DNAJC1: variants seen among roughly 807,000 people sequenced by gnomAD.
DNAJC1 encodes DnaJ heat shock protein family (Hsp40) member C1.
Under a neutral mutation model 76.6 loss-of-function variants are expected in DNAJC1, and 58 were observed. That is an observed-to-expected ratio of 0.76 (90% CI 0.61 to 0.94). The LOEUF (loss-of-function observed/expected upper bound fraction) is 0.94. Ranked by LOEUF, DNAJC1 falls within the 40% of genes least tolerant of loss-of-function variation. The probability of loss-of-function intolerance (pLI) is 0.00; values close to 1 mark genes in which losing one functional copy is unlikely to be tolerated. For synonymous variants in DNAJC1, 258 were observed against 267.9 expected (o/e 0.96, Z 0.36); for missense variants, 689 against 677.3 (o/e 1.02, Z -0.19).
intron 9 of DNAJC1, among the ~76,000 whole-genome samples, chr10:21,773,645 T>C (rs181945901): frequency 2.0e-4 from 31 of 152,314 alleles, no homozygotes; most frequent in African/African-American, 3.6e-4. Flanking sequence ...AAGGGAGGTA[T>C]TGAAATTTCC....
At chr10:21,873,193 G>A (rs1836131423) in intron 8 of DNAJC1, among the ~76,000 whole-genome samples, 1 of 152,082 alleles carries the variant, frequency 6.6e-6, no homozygotes, top group Non-Finnish European at 1.5e-5. Context: ...TACTCCCTTG[G>A]GGAGCTCGGA....
chr10:21,926,839 G>A (rs1236388843), intron 3 of DNAJC1, among the ~76,000 whole-genome samples: 1 of 152,162 alleles, frequency 6.6e-6, no homozygotes, highest in Non-Finnish European at 1.5e-5. Context: ...ATCCTGAAGA[G>A]ATGATGTTAT....
At chr10:21,879,329 A>T (rs997069830) in intron 8 of DNAJC1, among the ~76,000 whole-genome samples, 4 of 152,190 alleles carry the variant, frequency 2.6e-5, no homozygotes, top group Admixed American at 6.5e-5. Context: ...AGTACATATA[A>T]AAGTTGTTTA....
At chr10:21,777,601 T>C (rs937293711) in intron 9 of DNAJC1, among the ~76,000 whole-genome samples, 6 of 152,208 alleles carry the variant, frequency 3.9e-5, no homozygotes, top group African/African-American at 1.4e-4. Flanking sequence ...GATTTCACTT[T>C]GAAGATATTA....
chr10:21,989,278 T>C (rs1838295179), intron 1 of DNAJC1, among the ~76,000 whole-genome samples: 1 of 152,148 alleles, frequency 6.6e-6, no homozygotes, highest in African/African-American at 2.4e-5. Context: ...ACATGAAAAC[T>C]GCACTCTAAG....
intron 9 of DNAJC1, among the ~76,000 whole-genome samples, chr10:21,768,504 T>G (rs1834328462): frequency 6.6e-6 from 1 of 152,242 alleles, no homozygotes; most frequent in Non-Finnish European, 1.5e-5. Flanking sequence ...TTACGGATGT[T>G]TTCAGTTTGA....
At chr10:21,824,294 A>G (rs1206579627) in intron 8 of DNAJC1, among the ~76,000 whole-genome samples, 1 of 152,212 alleles carries the variant, frequency 6.6e-6, no homozygotes, top group East Asian at 1.9e-4. Context: ...CTAGGCAAGA[A>G]GAGTATATTA....
intron 1 of DNAJC1, among the ~76,000 whole-genome samples, chr10:21,999,451 CTTTTTTTT>C (rs140026558): frequency 1.1e-5 from 1 of 94,032 alleles, no homozygotes; most frequent in Non-Finnish European, 1.9e-5. Context: ...CTTCTTGACT[CTTTTTTTT>C]TTTTTTTTTT....
At chr10:21,856,896 T>C (rs2131694617) in intron 8 of DNAJC1, among the ~76,000 whole-genome samples, 1 of 152,122 alleles carries the variant, frequency 6.6e-6, no homozygotes, top group South Asian at 2.1e-4. Context: ...CCACCACACC[T>C]GGCTAATTTT....
intron 8 of DNAJC1, among the ~76,000 whole-genome samples, chr10:21,813,150 GTCTCTCTCTCTCTC>G (rs1179588600): frequency 1.5e-5 from 1 of 66,118 alleles, no homozygotes; most frequent in Admixed American, 1.8e-4. Flanking sequence ...TGGGTTACTT[GTCTCTCTCTCTCTC>G]TCTCTCTCTC....
intron 8 of DNAJC1, among the ~76,000 whole-genome samples, chr10:21,856,500 G>A (rs548877305): frequency 5.3e-5 from 8 of 151,902 alleles, no homozygotes; most frequent in African/African-American, 1.2e-4. Flanking sequence ...TTCCACTTTC[G>A]GTGTTTCACG....
intron 8 of DNAJC1, among the ~76,000 whole-genome samples, chr10:21,829,669 C>A (rs1835324163): frequency 2.0e-5 from 3 of 152,248 alleles, no homozygotes; most frequent in African/African-American, 7.2e-5. Flanking sequence ...TTACTTTCAA[C>A]CTTTCAGTGA....
chr10:21,820,290 G>T (rs1589995150), intron 8 of DNAJC1, among the ~76,000 whole-genome samples: 1 of 152,052 alleles, frequency 6.6e-6, no homozygotes, highest in Non-Finnish European at 1.5e-5. Flanking sequence ...TCTATGTCTG[G>T]GGGGGATATG....
At chr10:21,987,141 T>C (rs1319111371) in intron 1 of DNAJC1, among the ~76,000 whole-genome samples, 2 of 152,196 alleles carry the variant, frequency 1.3e-5, no homozygotes, top group East Asian at 1.9e-4. Context: ...AAATGAAATA[T>C]AGTCTTATCC....
intron 1 of DNAJC1, among the ~76,000 whole-genome samples, 166 bp downstream of exon 1, chr10:22,003,047 G>A (rs1175879129): frequency 2.0e-5 from 3 of 152,110 alleles, no homozygotes; most frequent in East Asian, 3.9e-4. Flanking sequence ...TGGGGAAGAC[G>A]GACACGTCCT....
intron 9 of DNAJC1, among the ~76,000 whole-genome samples, chr10:21,770,574 T>C (rs915400014): frequency 4.6e-5 from 7 of 152,016 alleles, no homozygotes; most frequent in African/African-American, 1.4e-4. Context: ...ATTTTTTGTA[T>C]TTTTAGTAGA....
Position 21,759,348 on chromosome 10 carries a change from A to G in DNAJC1, c.1418T>C (p.Ile473Thr), listed in dbSNP as rs764035562. ...SRAKRQKDFD[I>T]AEQNESSDEE... ...GTCGCTGGACTCGTTTTGTTCTGCT[A>G]TGTCAAAGTCCTTCTGCCGCTTGGC... is the stretch of plus-strand genomic sequence containing the variant. Residue 473 changes from isoleucine (I) to threonine (T), a missense_variant, in exon 11 of 12, where the codon ATA (isoleucine) becomes ACA (threonine). Transcript: ENST00000376980. 6 of 1,613,974 alleles carry G rather than the reference A, an allele frequency of 3.7e-6. No individual in the cohort carries two copies. In the African/African-American group the frequency reaches 4.0e-5, roughly 11 times the overall value.
intron 1 of DNAJC1, among the ~76,000 whole-genome samples, chr10:21,932,561 A>G (rs1564831269): frequency 6.6e-6 from 1 of 152,224 alleles, no homozygotes; most frequent in African/African-American, 2.4e-5. Context: ...TAAGAGAAAG[A>G]TGATTCTCAC....
chr10:21,870,444 A>G (rs971054186), intron 8 of DNAJC1, among the ~76,000 whole-genome samples: 1 of 152,080 alleles, frequency 6.6e-6, no homozygotes, highest in Non-Finnish European at 1.5e-5. Flanking sequence ...AAATTAACAA[A>G]AGGCTTGCAG....
Sources: allele counts gnomAD v4.1 joint callset (sites outside exome capture counted in the v4.1 genomes callset), GRCh38; gene constraint gnomAD v4.1.1; transcripts MANE v1.5; gene names NCBI Gene and HGNC (gene_info 2026-07-23, HGNC 2026-07-21).